Variants in DNASE1L3 observed in about 807,000 individuals in gnomAD.
The protein encoded by DNASE1L3 is deoxyribonuclease 1L3.
A neutral mutation model predicts 30.9 loss-of-function variants in DNASE1L3; 27 were observed. The ratio of observed to expected loss-of-function variants is 0.87; its 90% CI spans 0.64 to 1.20. The LOEUF (loss-of-function observed/expected upper bound fraction) is 1.20. Ranked by LOEUF, DNASE1L3 falls within the 50% of genes most tolerant of loss-of-function variation. The pLI, the probability that DNASE1L3 is intolerant of heterozygous loss-of-function variation, is 0.00. For synonymous variants in DNASE1L3, 135 were observed against 138.0 expected (o/e 0.98, Z 0.15); for missense variants, 364 against 378.2 (o/e 0.96, Z 0.31).
At chr3:58,206,686 T>A (rs1036015793) in intron 2 of DNASE1L3, among the ~76,000 whole-genome samples, 1 of 152,140 alleles carries the variant, frequency 6.6e-6, no homozygotes, top group African/African-American at 2.4e-5. Flanking sequence ...GTGGAGGAGA[T>A]GACTGGAGCC....
Position 58,204,833 on chromosome 3 carries a change from C to T in DNASE1L3, c.369G>A (p.Gln123=). ...TGGAAAACACATCTGCGTCTCCATC[C>T]TGATAGTCATGGTAGTGATAACTCC... ...VKRSYHYHDY[Q]DGDADVFSRE... Residue 123 remains glutamine, a synonymous_variant, in exon 4 of 8, where the codon CAG becomes CAA. Coordinates refer to ENST00000394549, the MANE Select transcript of DNASE1L3 (RefSeq NM_004944.4). The T allele has an allele frequency of 1.2e-6, 2 of 1,614,224 alleles. No homozygotes were observed. The highest frequency in any genetic ancestry group is 1.7e-6 in the Non-Finnish European group (2 of 1,180,038).
At chr3:58,193,994 ATGC>A (rs2097395704) in intron 6 of DNASE1L3, among the ~76,000 whole-genome samples, 1 of 152,238 alleles carries the variant, frequency 6.6e-6, no homozygotes, top group Non-Finnish European at 1.5e-5. Flanking sequence ...TTTCTTACTC[ATGC>A]TAGTATCATG....
rs545444293 is a variant in DNASE1L3 at position 58,196,267 on chromosome 3, G to A, written c.704+1554C>T. Among the ~76,000 whole-genome samples, 394 of 152,080 alleles carry A rather than the reference G, an allele frequency of 2.6e-3. 1 individual carries two copies. The highest frequency in any genetic ancestry group is 0.015 in the South Asian group (71 of 4,816). On this transcript the variant is annotated intron_variant, in intron 6 of 7. Coordinates refer to ENST00000394549, the MANE Select transcript of DNASE1L3 (RefSeq NM_004944.4). ...TCAAAAGCTCCAAGAGGAACAGGCC[G>A]GGCATGGTGGCTCACGCCTGTAATC...
In DNASE1L3 at chr3:58,197,841, G is replaced by A. The variant is rs1277300116; in HGVS notation, c.684C>T (p.Ser228=). ...GDQEDTTVKK[S]TNCAYDRIVL... ...CCTACCTGTCATATGCACAGTTGGT[G>A]CTCTTCTTCACCGTGGTGTCCTCTT... Residue 228 remains serine, a synonymous_variant, in exon 6 of 8, where the codon AGC becomes AGT. Transcript: ENST00000394549. The surrounding 1 kb of genome is among the most constrained non-coding windows in gnomAD (Gnocchi z 5.3). The A allele has an allele frequency of 1.2e-6, 2 of 1,614,072 alleles. No homozygotes were observed. The highest frequency in any genetic ancestry group is 1.7e-6 in the Non-Finnish European group (2 of 1,180,024).
Position 58,207,444 on chromosome 3 carries a change from C to A in DNASE1L3, c.230+774G>T, listed in dbSNP as rs369905752. Among the ~76,000 whole-genome samples the A allele has an allele frequency of 1.9e-3, 58 of 30,010 alleles. 2 individuals are homozygous for A. Among genetic ancestry groups the A allele is most frequent in the African/African-American group, 1.0e-2 (52 of 5,216 alleles). 19.7% of individuals were successfully genotyped at this position (30,010 alleles called of 152,430 possible). ...TTCACCACAGCTCTCTGATCACACCCCCCCCCCCCCCACCAGAAGTAACCA... is the reference window on the plus strand; with the variant it reads ...TTCACCACAGCTCTCTGATCACACCACCCCCCCCCCCACCAGAAGTAACCA... On this transcript the variant is annotated intron_variant, in intron 2 of 7. Transcript: ENST00000394549.
At chr3:58,202,178 T>G (rs543814563) in intron 4 of DNASE1L3, among the ~76,000 whole-genome samples, 42 of 151,724 alleles carry the variant, frequency 2.8e-4, no homozygotes, top group Non-Finnish European at 4.1e-4. Flanking sequence ...GGAGTTTCGT[T>G]CTTGTTGCCC....
chr3:58,207,367 T>C (rs573327593), intron 2 of DNASE1L3, among the ~76,000 whole-genome samples: 2 of 151,632 alleles, frequency 1.3e-5, no homozygotes, highest in African/African-American at 4.8e-5. Flanking sequence ...GTCTCAGATT[T>C]AAAAAGTACT....
intron 6 of DNASE1L3, among the ~76,000 whole-genome samples, chr3:58,195,907 T>C (rs2097397043): frequency 6.6e-6 from 1 of 152,240 alleles, no homozygotes; most frequent in Admixed American, 6.5e-5. Context: ...TCCTTTGGGA[T>C]ACATGTGTAT....
intron 6 of DNASE1L3, among the ~76,000 whole-genome samples, chr3:58,195,532 C>T (rs1300410653): frequency 6.9e-6 from 1 of 145,728 alleles, no homozygotes; most frequent in African/African-American, 2.6e-5. Flanking sequence ...CTTTGGGAGG[C>T]CAAAGCAGGC....
intron 4 of DNASE1L3, among the ~76,000 whole-genome samples, 193 bp from the exon 5 acceptor site, chr3:58,201,302 C>T (rs751055320): frequency 7.2e-5 from 11 of 152,196 alleles, no homozygotes; most frequent in Non-Finnish European, 1.0e-4. Flanking sequence ...TTTTAGTACA[C>T]GAAAGACTCA....
chr3:58,201,007 C>T lies in DNASE1L3; in HGVS notation c.536G>A (p.Trp179Ter), dbSNP rs1451227559. The T allele has an allele frequency of 6.2e-7, 1 of 1,611,850 alleles. No individual in the cohort carries two copies. Among genetic ancestry groups the T allele is most frequent in the Admixed American group, 1.7e-5 (1 of 59,824 alleles). The change falls in exon 5 of 8, where the codon TGG becomes TAG. Residue 179 changes from tryptophan (W) to a stop codon, truncating the protein, a stop_gained. Coordinates refer to ENST00000394549, the MANE Select transcript of DNASE1L3 (RefSeq NM_004944.4). LOFTEE classifies it high-confidence loss of function. ...VEVYTDVKHR[W>*]KAENFIFMGD... is the part of the protein sequence containing the mutation. ...CACAGCAGTCCTCACCTCCGCCTTC[C>T]AGCGGTGTTTCACGTCCGTGTAGAC...
Sources: gnomAD v4.1 joint callset for allele counts (sites outside exome capture counted in the v4.1 genomes callset) on GRCh38, gnomAD v4.1.1 for gene constraint, Gnocchi (gnomAD v3.1) non-coding constraint, MANE v1.5 for transcripts, NCBI Gene and HGNC (gene_info 2026-07-23, HGNC 2026-07-21) for gene names.